Variants in AK7 observed in about 807,000 individuals in gnomAD.
The protein encoded by AK7 is adenylate kinase 7.
A neutral mutation model predicts 96.6 loss-of-function variants in AK7; 78 were observed. The ratio of observed to expected loss-of-function variants is 0.81; its 90% confidence interval spans 0.67 to 0.97. The LOEUF (loss-of-function observed/expected upper bound fraction) is 0.97. AK7 is among the 50% of genes least tolerant of loss of function. The pLI, the probability that AK7 is intolerant of heterozygous loss-of-function variation, is 0.00. For missense variants in AK7, 855 were observed against 887.9 expected, an observed-to-expected ratio of 0.96 and a Z score of 0.47; for synonymous variants, 302 against 317.2, an observed-to-expected ratio of 0.95 and a Z score of 0.51.
intron 5 of AK7, 142 bp downstream of exon 5, chr14:96,421,074 T>A: frequency 1.8e-6 from 1 of 545,154 alleles, no homozygotes; most frequent in Middle Eastern, 2.9e-4. Context: ...TGGCCCAGGT[T>A]CTGGTCCAGC....
intron 14 of AK7, among the ~76,000 whole-genome samples, chr14:96,478,187 C>CG (rs1895289684): frequency 2.1e-5 from 1 of 46,782 alleles, no homozygotes; most frequent in Non-Finnish European, 4.0e-5. Flanking sequence ...AGAGGGAGGG[C>CG]GGGGGAAGGG....
intron 1 of AK7, among the ~76,000 whole-genome samples, chr14:96,392,855 G>C (rs1195900416): frequency 2.0e-5 from 3 of 152,046 alleles, no homozygotes; most frequent in African/African-American, 7.2e-5. Flanking sequence ...GCAGAGACGG[G>C]GTTTCACTGT....
chr14:96,422,443 G>A (rs1360643675), intron 5 of AK7, among the ~76,000 whole-genome samples: 1 of 152,154 alleles, frequency 6.6e-6, no homozygotes, highest in Non-Finnish European at 1.5e-5. Context: ...CCCTGAAGAG[G>A]CCTAGAAGAG....
At chr14:96,424,200 CTGAGGTTCACCCG>C in intron 5 of AK7, 1 of 560,548 alleles carries the variant, frequency 1.8e-6, no homozygotes, top group South Asian at 1.7e-5. Context: ...GGACCGCTGT[CTGAGGTTCACCCG>C]CGTGGCGGGG....
At chr14:96,417,468 G>T (rs1891409672) in intron 4 of AK7, among the ~76,000 whole-genome samples, 1 of 152,186 alleles carries the variant, frequency 6.6e-6, no homozygotes. Flanking sequence ...TGTGTACACA[G>T]AATTGAAGTG....
At chr14:96,466,371 G>A (rs1730464125) in intron 12 of AK7, among the ~76,000 whole-genome samples, 1 of 151,920 alleles carries the variant, frequency 6.6e-6, no homozygotes, top group African/African-American at 2.4e-5. Flanking sequence ...TGAGTAGCTG[G>A]GACTACAGGC....
chr14:96,465,494 C>G (rs1037587107), intron 12 of AK7, among the ~76,000 whole-genome samples: 3 of 151,146 alleles, frequency 2.0e-5, no homozygotes, highest in African/African-American at 7.3e-5. Context: ...TACATTAATT[C>G]TGGAATTCCA....
intron 5 of AK7, among the ~76,000 whole-genome samples, chr14:96,435,672 G>A (rs8007005): frequency 0.07 from 10,664 of 152,182 alleles, 1,298 homozygotes; most frequent in African/African-American, 0.24. Context: ...ACAGAGCGCT[G>A]TAGCCCTCGG....
intron 4 of AK7, among the ~76,000 whole-genome samples, chr14:96,418,228 T>C (rs923985095): frequency 1.3e-5 from 2 of 149,250 alleles, no homozygotes; most frequent in African/African-American, 5.0e-5. Flanking sequence ...CTCAGGAGTC[T>C]AGGTGGACTC....
At position 96,458,149 on chromosome 14, in the gene AK7, G is replaced by A. The variant is rs986158401; in HGVS notation, c.1294G>A (p.Glu432Lys). ...AGAAGTCGAAGAGGAAGAGGAGGAG[G>A]AGAATGTGGAAGATGCACAGGAGCT... ...EEEVEEEEEEENVEDAQELLD... is the reference protein window; with the variant it reads ...EEEVEEEEEEKNVEDAQELLD... Residue 432 changes from glutamate (E) to lysine (K), a missense_variant, in exon 12 of 18, where the codon GAG becomes AAG. Physicochemically the swap from Glu to Lys is moderately conservative, Grantham distance 56. Transcript: ENST00000267584. The A allele has an allele frequency of 1.2e-6, 2 of 1,614,070 alleles. No homozygotes were observed. Among genetic ancestry groups the A allele is most frequent in the African/African-American group, 1.3e-5 (1 of 75,026 alleles).
chr14:96,458,118 A>T lies in AK7; in HGVS notation c.1263A>T (p.Gly421=). Residue 421 remains glycine, a synonymous_variant, in exon 12 of 18, where the codon GGA becomes GGT. Coordinates refer to ENST00000267584, the MANE Select transcript of AK7 (RefSeq NM_152327.5). ...TTGCCCCTAACGATGTAGGGGAAGG[A>T]GAAGAAGAAGTCGAAGAGGAAGAGG... ...AIVAPNDVGE[G]EEEVEEEEEE... is the part of the protein sequence containing the mutation. 2 of 1,613,758 alleles carry T rather than the reference A, an allele frequency of 1.2e-6. No individual in the cohort carries two copies. Among genetic ancestry groups the T allele is most frequent in the Non-Finnish European group, 1.7e-6 (2 of 1,179,836 alleles).
chr14:96,443,606 AC>A (rs1319496350), intron 7 of AK7, among the ~76,000 whole-genome samples: 16 of 152,072 alleles, frequency 1.1e-4, no homozygotes, highest in African/African-American at 3.9e-4. Flanking sequence ...CCTTTCCAAG[AC>A]CCTGAACCTA....
chr14:96,446,524 C>CA lies in AK7; in HGVS notation c.791dup (p.Asn264LysfsTer17). ...TTACCTGTGGGTCTGCAGAGTGATA[C>CA]AAAACGTCATAGATCACGTGCCAAA... On this transcript the variant is annotated frameshift_variant, in exon 8 of 18. Transcript: ENST00000267584. LOFTEE classifies it high-confidence loss of function. 1 of 1,614,028 alleles carries CA rather than the reference C, an allele frequency of 6.2e-7. No individual in the cohort carries two copies. The highest frequency in any genetic ancestry group is 8.5e-7 in the Non-Finnish European group (1 of 1,179,942).
At chr14:96,447,569 G>T (rs531869868) in intron 8 of AK7, among the ~76,000 whole-genome samples, 1 of 152,090 alleles carries the variant, frequency 6.6e-6, no homozygotes, top group Non-Finnish European at 1.5e-5. Context: ...TGATCCTCCC[G>T]CCTCTGCCTC....
intron 6 of AK7, among the ~76,000 whole-genome samples, 188 bp from the exon 7 acceptor site, chr14:96,442,542 A>G (rs1318069675): frequency 6.6e-6 from 1 of 152,112 alleles, no homozygotes; most frequent in Non-Finnish European, 1.5e-5. Flanking sequence ...CCAGGGCTAC[A>G]CACTATTTCT....
intron 10 of AK7, among the ~76,000 whole-genome samples, chr14:96,454,515 T>C (rs1285799338): frequency 1.3e-5 from 2 of 152,000 alleles, no homozygotes; most frequent in African/African-American, 4.8e-5. Context: ...TGTTGCTCTG[T>C]TGCCCAGGTT....
chr14:96,459,496 T>C (rs1595442491), intron 12 of AK7, among the ~76,000 whole-genome samples: 1 of 152,100 alleles, frequency 6.6e-6, no homozygotes, highest in East Asian at 1.9e-4. Flanking sequence ...ACTGATATGA[T>C]AAGTTAATGT....
chr14:96,487,511 C>T (rs1895844774), intron 17 of AK7, among the ~76,000 whole-genome samples: 1 of 147,312 alleles, frequency 6.8e-6, no homozygotes, highest in South Asian at 2.2e-4. Context: ...CTCACTGCAA[C>T]CTCCACCTCC....
intron 12 of AK7, among the ~76,000 whole-genome samples, chr14:96,463,073 G>T (rs1224894241): frequency 6.6e-6 from 1 of 151,940 alleles, no homozygotes; most frequent in Non-Finnish European, 1.5e-5. Context: ...AGAGGCAGAG[G>T]TTGCAGTGAG....
Sources: gnomAD v4.1 joint callset for allele counts (sites outside exome capture counted in the v4.1 genomes callset) on GRCh38, gnomAD v4.1.1 for gene constraint, MANE v1.5 for transcripts, NCBI Gene and HGNC (gene_info 2026-07-23, HGNC 2026-07-21) for gene names.